The following HPSE2 variants were observed in gnomAD, a reference collection of about 807,000 sequenced individuals.
HPSE2 encodes the protein heparanase 2 (inactive).
In HPSE2, 38 loss-of-function variants were observed where a neutral mutation model predicts 60.5. The ratio of observed to expected loss-of-function variants is 0.63; its 90% CI spans 0.48 to 0.82. The LOEUF (loss-of-function observed/expected upper bound fraction) is 0.82. Among genes scored for constraint, HPSE2 ranks in the 40% least tolerant of loss-of-function variants. HPSE2 has a pLI of 0.00. For synonymous variants in HPSE2, 295 were observed against 293.2 expected (o/e 1.01, Z -0.06); for missense variants, 713 against 740.4 (o/e 0.96, Z 0.43).
chr10:99,001,051 T>C (rs1371597718), intron 3 of HPSE2, among the ~76,000 whole-genome samples: 2 of 152,096 alleles, frequency 1.3e-5, no homozygotes, highest in Admixed American at 1.3e-4. Flanking sequence ...AAAACTAATG[T>C]TGTCTCTTTG....
chr10:98,696,553 T>C (rs1021628031), intron 5 of HPSE2, among the ~76,000 whole-genome samples: 1 of 151,852 alleles, frequency 6.6e-6, no homozygotes, highest in Admixed American at 6.6e-5. Context: ...TGTAAACCCA[T>C]GGATTGGAAG....
intron 6 of HPSE2, among the ~76,000 whole-genome samples, chr10:98,649,162 G>A (rs1946851611): frequency 6.6e-6 from 1 of 152,114 alleles, no homozygotes; most frequent in Admixed American, 6.6e-5. Context: ...TTATACTGTT[G>A]CCACATCCTT....
At chr10:99,071,856 G>A (rs1443746103) in intron 3 of HPSE2, among the ~76,000 whole-genome samples, 2 of 152,144 alleles carry the variant, frequency 1.3e-5, no homozygotes, top group East Asian at 3.9e-4. Context: ...TGGCACAGTT[G>A]TTGAAGATAG....
At chr10:98,966,243 AG>A (rs1955811712) in intron 3 of HPSE2, among the ~76,000 whole-genome samples, 1 of 152,196 alleles carries the variant, frequency 6.6e-6, no homozygotes, top group African/African-American at 2.4e-5. Context: ...AAGGATGAGT[AG>A]AAAGTGGCCA....
At position 99,161,455 on chromosome 10, in the gene HPSE2, C is replaced by G. The variant is rs112953222; in HGVS notation, c.449-17056G>C. On this transcript the variant is annotated intron_variant, in intron 2 of 11. Coordinates refer to ENST00000370552, the MANE Select transcript of HPSE2 (RefSeq NM_021828.5). ...TGTGTCTGGTGAAAGAAGCCAGACA[C>G]AAAAAGACCACGTATTATGACTTCA... is the stretch of plus-strand genomic sequence containing the variant. Among the ~76,000 whole-genome samples, 311 of 152,108 alleles carry G rather than the reference C, an allele frequency of 2.0e-3. 2 individuals are homozygous for G. The highest frequency in any genetic ancestry group is 7.3e-3 in the African/African-American group (304 of 41,496).
intron 3 of HPSE2, among the ~76,000 whole-genome samples, chr10:99,077,514 A>T (rs960484978): frequency 1.3e-5 from 2 of 151,310 alleles, no homozygotes; most frequent in African/African-American, 4.9e-5. Flanking sequence ...CCTCCCATTG[A>T]ATTTTTTAGT....
chr10:98,997,732 G>T (rs4919265), intron 3 of HPSE2, among the ~76,000 whole-genome samples: 23,278 of 152,038 alleles, frequency 0.15, 2,520 homozygotes, highest in African/African-American at 0.3. Context: ...CATTTCATGC[G>T]CACTAAAGTG....
chr10:99,153,475 C>T (rs1417015612), intron 2 of HPSE2, among the ~76,000 whole-genome samples: 2 of 152,038 alleles, frequency 1.3e-5, no homozygotes, highest in Non-Finnish European at 2.9e-5. Context: ...CTGGGAGGCA[C>T]CCCCCAGCAG....
chr10:98,923,834 C>T lies in HPSE2; in HGVS notation c.611-179778G>A, dbSNP rs73332076. Reference sequence around the variant, plus strand: ...TGTTATCTTAAGTTTCTTTGAGTTTCGTCAAAACAGCTATTTTGAATTCTC... The same window carrying T: ...TGTTATCTTAAGTTTCTTTGAGTTTTGTCAAAACAGCTATTTTGAATTCTC... On this transcript the variant is annotated intron_variant, in intron 3 of 11. Coordinates refer to ENST00000370552, the MANE Select transcript of HPSE2 (RefSeq NM_021828.5). Among the ~76,000 whole-genome samples the T allele has an allele frequency of 2.9e-3, 439 of 152,156 alleles. 4 individuals carry two copies. The highest frequency in any genetic ancestry group is 9.9e-3 in the African/African-American group (409 of 41,510).
intron 3 of HPSE2, among the ~76,000 whole-genome samples, chr10:98,794,324 A>C (rs745900892): frequency 3.1e-4 from 47 of 151,684 alleles, no homozygotes; most frequent in Non-Finnish European, 5.9e-4. Flanking sequence ...CTCCACTGCA[A>C]CCTCTGCCTC....
chr10:99,277,280 A>T, the HPSE2 span, among the ~76,000 whole-genome samples: 1 of 152,274 alleles, frequency 6.6e-6, no homozygotes, highest in East Asian at 1.9e-4. Flanking sequence ...ACCATAGATA[A>T]TCTCATTAAT....
intron 3 of HPSE2, among the ~76,000 whole-genome samples, chr10:99,095,603 T>C (rs895609932): frequency 5.3e-5 from 8 of 152,216 alleles, no homozygotes; most frequent in Admixed American, 5.2e-4. Flanking sequence ...TTTCTGTCTC[T>C]ATAGGTTTGA....
intron 3 of HPSE2, among the ~76,000 whole-genome samples, chr10:98,805,904 T>G (rs555356385): frequency 2.6e-5 from 4 of 152,150 alleles, no homozygotes; most frequent in Non-Finnish European, 5.9e-5. Flanking sequence ...GGTTGTAAAT[T>G]TTATCACTGG....
At position 99,039,055 on chromosome 10, in the gene HPSE2, CAGCTGT is replaced by C. The variant is rs1289029011; in HGVS notation, c.610+105177_610+105182del. ...GTATCAGTCTTCAGAGGGCGCGTAT[CAGCTGT>C]AGTTTACTAGTTTCCACTGCTTTAT... On this transcript the variant is annotated intron_variant, in intron 3 of 11. Coordinates refer to ENST00000370552, the MANE Select transcript of HPSE2 (RefSeq NM_021828.5). Among the ~76,000 whole-genome samples the C allele has an allele frequency of 3.3e-5, 5 of 152,200 alleles. No individual in the cohort carries two copies. In the South Asian group the frequency reaches 1.0e-3, roughly 32 times the overall value.
chr10:99,081,874 G>A (rs1348485845), intron 3 of HPSE2, among the ~76,000 whole-genome samples: 3 of 152,032 alleles, frequency 2.0e-5, no homozygotes, highest in African/African-American at 7.2e-5. Context: ...CTGACCACGT[G>A]ATCCGCCCGC....
intron 9 of HPSE2, among the ~76,000 whole-genome samples, chr10:98,529,440 C>T (rs1166461417): frequency 6.6e-6 from 1 of 152,042 alleles, no homozygotes; most frequent in Non-Finnish European, 1.5e-5. Context: ...CATACCTAGC[C>T]ATCCATCTTC....
the HPSE2 span, among the ~76,000 whole-genome samples, chr10:99,306,598 G>T: frequency 6.6e-6 from 1 of 152,170 alleles, no homozygotes; most frequent in Admixed American, 6.5e-5. Flanking sequence ...GTTGGGTGGA[G>T]TGTGTTGATC....
At chr10:98,487,624 G>A (rs1941489470) in intron 10 of HPSE2, among the ~76,000 whole-genome samples, 1 of 152,214 alleles carries the variant, frequency 6.6e-6, no homozygotes, top group Non-Finnish European at 1.5e-5. Context: ...GAGTGCAGGG[G>A]TTGTTATTTT....
At chr10:99,235,073 TCACA>T (rs35858706) in intron 1 of HPSE2, among the ~76,000 whole-genome samples, 1 of 29,708 alleles carries the variant, frequency 3.4e-5, no homozygotes, top group Non-Finnish European at 6.5e-5. Context: ...GCTTGAACAC[TCACA>T]CACACACACT....
Sources: gnomAD v4.1 joint callset for allele counts (sites outside exome capture counted in the v4.1 genomes callset) on GRCh38, gnomAD v4.1.1 for gene constraint, MANE v1.5 for transcripts, NCBI Gene and HGNC (gene_info 2026-07-23, HGNC 2026-07-21) for gene names.